Variants in LRRC53 observed in about 807,000 individuals in gnomAD.
LRRC53 encodes the protein leucine rich repeat containing 53, also known as leucine-rich repeat-containing protein 53.
Under a neutral mutation model 13.6 loss-of-function variants are expected in LRRC53, and 25 were observed. The observed-to-expected ratio is 1.83, with a 90% CI of 1.34 to 2.56. LRRC53 has a LOEUF of 2.56. Ranked by LOEUF, LRRC53 falls within the 30% of genes most tolerant of loss-of-function variation. LRRC53 has a pLI of 0.00. For synonymous variants in LRRC53, 204 were observed against 109.8 expected (o/e 1.86, Z -5.37); for missense variants, 527 against 275.8 (o/e 1.91, Z -6.45).
intron 1 of LRRC53, among the ~76,000 whole-genome samples, chr1:74,508,539 C>T (rs1670023170): frequency 6.6e-6 from 1 of 152,096 alleles, no homozygotes; most frequent in African/African-American, 2.4e-5. Context: ...CCACAAAAGA[C>T]AGAGAGAAAA....
upstream of LRRC53, among the ~76,000 whole-genome samples, chr1:74,513,783 T>A (rs1022263): frequency 1 from 152,324 of 152,352 alleles, 76,148 homozygotes; most frequent in Non-Finnish European, 1. Context: ...GTTTAGTGAA[T>A]TTCAGCAAAT....
chr1:74,477,467 C>T (rs1668262101), intron 3 of LRRC53, among the ~76,000 whole-genome samples: 1 of 151,964 alleles, frequency 6.6e-6, no homozygotes, highest in Non-Finnish European at 1.5e-5. Context: ...ACTCACCTGT[C>T]AGGAACAAAA....
At chr1:74,487,521 A>G (rs1490025020) in intron 1 of LRRC53, among the ~76,000 whole-genome samples, 2 of 152,184 alleles carry the variant, frequency 1.3e-5, no homozygotes, top group Non-Finnish European at 2.9e-5. Flanking sequence ...AATAAAGTTT[A>G]GGATTCTTTC....
chr1:74,526,894 A>G, the LRRC53 span, among the ~76,000 whole-genome samples: 1 of 152,236 alleles, frequency 6.6e-6, no homozygotes, highest in Non-Finnish European at 1.5e-5. Flanking sequence ...TTATTGGAAT[A>G]CAGCCACACT....
chr1:74,510,265 C>T (rs1055771824), intron 1 of LRRC53, among the ~76,000 whole-genome samples: 6 of 152,032 alleles, frequency 3.9e-5, no homozygotes, highest in Middle Eastern at 3.4e-3. Flanking sequence ...CCAGCACTTT[C>T]GGAGGCCGAG....
At chr1:74,518,441 T>C in the LRRC53 span, among the ~76,000 whole-genome samples, 1 of 152,192 alleles carries the variant, frequency 6.6e-6, no homozygotes, top group African/African-American at 2.4e-5. Flanking sequence ...AAAGGGCAGT[T>C]ATAGACTCTT....
At chr1:74,526,290 A>G in the LRRC53 span, among the ~76,000 whole-genome samples, 1 of 152,094 alleles carries the variant, frequency 6.6e-6, no homozygotes, top group African/African-American at 2.4e-5. Flanking sequence ...TCAATCCAAA[A>G]GGGGAAAAGA....
At chr1:74,516,193 C>A (rs1335943752), upstream of LRRC53, among the ~76,000 whole-genome samples, 1 of 152,052 alleles carries the variant, frequency 6.6e-6, no homozygotes, top group East Asian at 1.9e-4. Flanking sequence ...TATTTCTGTT[C>A]TGAAATTTCC....
rs1365445061 is a variant in LRRC53 at position 74,471,051 on chromosome 1, G to T, written c.2571C>A (p.Phe857Leu). ...DAEHRHSHSQ[F>L]STEQMEDATQ... is the part of the protein sequence containing the mutation. Reference sequence around the variant, plus strand: ...TTGCATCTTCCATTTGCTCAGTTGAGAATTGAGAATGTGAGTGCCTGTGCT... The same window carrying T: ...TTGCATCTTCCATTTGCTCAGTTGATAATTGAGAATGTGAGTGCCTGTGCT... Residue 857 changes from phenylalanine (F) to leucine (L), a missense_variant, in exon 5 of 5, where the codon TTC becomes TTA. Coordinates refer to ENST00000294635, the MANE Select transcript of LRRC53 (RefSeq NM_001382280.1). The T allele has an allele frequency of 2.5e-6, 1 of 400,602 alleles. No homozygotes were observed. Among genetic ancestry groups the T allele is most frequent in the Admixed American group, 4.4e-5 (1 of 22,724 alleles). 24.8% of individuals were successfully genotyped at this position (400,602 alleles called of 1,614,324 possible). A position where few individuals can be genotyped will look rare whatever the true frequency, so the allele number is the denominator to read the frequency against.
the LRRC53 span, among the ~76,000 whole-genome samples, chr1:74,532,355 T>C: frequency 6.6e-6 from 1 of 152,206 alleles, no homozygotes. Flanking sequence ...TTCATCTTTA[T>C]GTGCAAATAA....
At chr1:74,512,901 T>A (rs1052208736), upstream of LRRC53, among the ~76,000 whole-genome samples, 1 of 152,232 alleles carries the variant, frequency 6.6e-6, no homozygotes, top group African/African-American at 2.4e-5. Context: ...GGGGTCACTA[T>A]GTGATCACCT....
intron 1 of LRRC53, among the ~76,000 whole-genome samples, chr1:74,499,292 C>G (rs1669489240): frequency 6.6e-6 from 1 of 152,168 alleles, no homozygotes; most frequent in Non-Finnish European, 1.5e-5. Flanking sequence ...CAGGCATGCG[C>G]CACCATGCCC....
chr1:74,534,368 G>A, the LRRC53 span, among the ~76,000 whole-genome samples: 2 of 152,244 alleles, frequency 1.3e-5, no homozygotes, highest in Non-Finnish European at 2.9e-5. Context: ...AGTCTTCTTT[G>A]GAATGCAATT....
intron 1 of LRRC53, among the ~76,000 whole-genome samples, chr1:74,502,106 C>G (rs138417230): frequency 2.8e-4 from 43 of 152,152 alleles, no homozygotes; most frequent in African/African-American, 9.9e-4. Flanking sequence ...AAAATTCATG[C>G]TATAGGTCAA....
chr1:74,491,404 G>C (rs956331070), intron 1 of LRRC53, among the ~76,000 whole-genome samples: 5 of 152,116 alleles, frequency 3.3e-5, no homozygotes, highest in Non-Finnish European at 7.4e-5. Context: ...ATTTTTATTA[G>C]AGACGGGGTT....
intron 1 of LRRC53, among the ~76,000 whole-genome samples, chr1:74,511,435 T>G (rs907446978): frequency 6.6e-6 from 1 of 152,174 alleles, no homozygotes; most frequent in Admixed American, 6.5e-5. Context: ...TGACCTCAAG[T>G]AATTCACTCT....
the LRRC53 span, among the ~76,000 whole-genome samples, chr1:74,519,452 C>T: frequency 6.9e-5 from 9 of 129,512 alleles, no homozygotes; most frequent in Middle Eastern, 3.8e-3. Context: ...CCTGAGGAAT[C>T]GCCACACTGA....
rs1190581034 is a variant in LRRC53, at chr1:74,489,764, TG to T, written c.-26-6390del. Among the ~76,000 whole-genome samples, 30 of 152,198 alleles carry T rather than the reference TG, an allele frequency of 2.0e-4. 1 individual carries two copies. Among genetic ancestry groups the T allele is most frequent in the Admixed American group, 2.0e-3 (30 of 15,276 alleles). The stretch of plus-strand genomic sequence containing the variant: ...ATTTTCTTGCCTTATTAAAGCTGTT[TG>T]CTTTAAGTTTCTCTACAATTGCCTT... On this transcript the variant is annotated intron_variant, in intron 1 of 4. Transcript: ENST00000294635.
intron 1 of LRRC53, among the ~76,000 whole-genome samples, chr1:74,484,076 G>T (rs1487022662): frequency 6.6e-6 from 1 of 151,482 alleles, no homozygotes. Context: ...AGTTAAATGG[G>T]TACTCTAAGT....
Sources: allele counts gnomAD v4.1 joint callset (sites outside exome capture counted in the v4.1 genomes callset), GRCh38; gene constraint gnomAD v4.1.1; transcripts MANE v1.5; gene names NCBI Gene and HGNC (gene_info 2026-07-23, HGNC 2026-07-21).